The following SAMD3 variants were observed in gnomAD, a reference collection of about 807,000 sequenced individuals.
The protein encoded by SAMD3 is sterile alpha motif domain containing 3.
In SAMD3, 63 loss-of-function variants were observed where a neutral mutation model predicts 58.5. The ratio of observed to expected loss-of-function variants is 1.08; its 90% CI spans 0.88 to 1.33. The LOEUF (loss-of-function observed/expected upper bound fraction) is 1.33. SAMD3 is among the 40% of genes most tolerant of loss of function. The pLI, the probability that SAMD3 is intolerant of heterozygous loss-of-function variation, is 0.00. For missense variants in SAMD3, 604 were observed against 608.4 expected, an observed-to-expected ratio of 0.99 and a Z score of 0.08; for synonymous variants, 220 against 210.3, an observed-to-expected ratio of 1.05 and a Z score of -0.40.
At chr6:130,354,025 A>G (rs899183052) in intron 1 of SAMD3, among the ~76,000 whole-genome samples, 1 of 152,130 alleles carries the variant, frequency 6.6e-6, no homozygotes, top group Admixed American at 6.6e-5. Context: ...CATGAACAGA[A>G]ACTTTTCAAA....
intron 2 of SAMD3, among the ~76,000 whole-genome samples, chr6:130,275,932 A>G (rs1024344319): frequency 6.6e-5 from 10 of 152,158 alleles, no homozygotes; most frequent in East Asian, 1.9e-4. Flanking sequence ...TCACATTCTA[A>G]TACCTAGAAT....
At chr6:130,315,097 G>A (rs975383156) in intron 1 of SAMD3, among the ~76,000 whole-genome samples, 3 of 148,588 alleles carry the variant, frequency 2.0e-5, no homozygotes, top group African/African-American at 7.6e-5. Context: ...ATAATATGGT[G>A]TTCTTGTCCT....
chr6:130,308,323 A>T (rs1775976512), intron 2 of SAMD3, among the ~76,000 whole-genome samples: 1 of 142,528 alleles, frequency 7.0e-6, no homozygotes, highest in African/African-American at 2.8e-5. Context: ...TTGTATCTCA[A>T]CCTCCTCAAT....
intron 2 of SAMD3, among the ~76,000 whole-genome samples, chr6:130,302,724 G>T (rs1039928101): frequency 6.6e-6 from 1 of 152,112 alleles, no homozygotes; most frequent in Non-Finnish European, 1.5e-5. Context: ...TGGTACATAT[G>T]CACCATGGAA....
intron 2 of SAMD3, among the ~76,000 whole-genome samples, chr6:130,258,326 C>G (rs1162103677): frequency 6.6e-6 from 1 of 152,088 alleles, no homozygotes; most frequent in Non-Finnish European, 1.5e-5. Context: ...GCTTTTTTAT[C>G]CAGCCTGAGA....
chr6:130,155,073 A>G (rs921598546), intron 8 of SAMD3, 48 bp from the exon 9 acceptor site: 1 of 1,526,798 alleles, frequency 6.5e-7, no homozygotes, highest in East Asian at 2.3e-5. Context: ...TTCTATAAAA[A>G]CTTGAATTTC....
At chr6:130,178,666 C>A (rs1271829885) in intron 7 of SAMD3, among the ~76,000 whole-genome samples, 1 of 152,214 alleles carries the variant, frequency 6.6e-6, no homozygotes, top group Non-Finnish European at 1.5e-5. Context: ...GAATACATAT[C>A]AGCCAAGTAA....
chr6:130,360,706 T>G, intron 1 of SAMD3, among the ~76,000 whole-genome samples: 1 of 152,172 alleles, frequency 6.6e-6, no homozygotes, highest in East Asian at 1.9e-4. Flanking sequence ...CCAAAATTTA[T>G]TAGGCGTGAA....
intron 2 of SAMD3, among the ~76,000 whole-genome samples, chr6:130,275,925 C>T (rs1179827934): frequency 6.6e-6 from 1 of 152,116 alleles, no homozygotes; most frequent in Non-Finnish European, 1.5e-5. Flanking sequence ...AGGATGTTCA[C>T]ATTCTAATAC....
intron 1 of SAMD3, among the ~76,000 whole-genome samples, chr6:130,348,251 T>C (rs562243988): frequency 3.3e-5 from 5 of 152,222 alleles, no homozygotes; most frequent in Admixed American, 6.5e-5. Context: ...TGTAAATGGA[T>C]TAAATGCTCC....
chr6:130,260,462 A>G (rs1034590314), intron 2 of SAMD3, among the ~76,000 whole-genome samples: 2 of 152,162 alleles, frequency 1.3e-5, no homozygotes, highest in African/African-American at 2.4e-5. Flanking sequence ...ACCCCCATAG[A>G]GTTGTGAGCC....
At chr6:130,171,001 G>A (rs142551249) in intron 8 of SAMD3, among the ~76,000 whole-genome samples, 1 of 152,282 alleles carries the variant, frequency 6.6e-6, no homozygotes, top group Non-Finnish European at 1.5e-5. Context: ...GGTGAGAGAG[G>A]GCATCCTTGT....
intron 5 of SAMD3, among the ~76,000 whole-genome samples, chr6:130,194,849 G>A (rs1013130834): frequency 8.5e-5 from 13 of 152,148 alleles, no homozygotes; most frequent in South Asian, 4.1e-4. Flanking sequence ...AAGCCTACAG[G>A]ACCATCACAG....
intron 2 of SAMD3, among the ~76,000 whole-genome samples, chr6:130,241,925 C>T (rs1020810212): frequency 6.6e-6 from 1 of 151,902 alleles, no homozygotes; most frequent in Admixed American, 6.6e-5. Flanking sequence ...AATGAATTTT[C>T]ATTGTCTTTT....
chr6:130,144,753 C>T lies in SAMD3; in HGVS notation c.1330G>A (p.Val444Ile). The T allele has an allele frequency of 6.2e-7, 1 of 1,614,032 alleles. No homozygotes were observed. Residue 444 changes from valine (V) to isoleucine (I), a missense_variant, in exon 12 of 12, where the codon GTC becomes ATC. Transcript: ENST00000439090. The part of the protein sequence containing the change: ...LEVKNPFNME[V>I]CEFSLYLERE... ...TCTAAATATAAAGAAAATTCGCAGA[C>T]CTCCATGTTGAAAGGGTTTTTAACT...
intron 1 of SAMD3, among the ~76,000 whole-genome samples, chr6:130,353,595 T>G (rs1187482647): frequency 6.6e-6 from 1 of 152,218 alleles, no homozygotes; most frequent in African/African-American, 2.4e-5. Context: ...TTAATCCAGA[T>G]TTTGTAACCC....
chr6:130,357,217 C>T (rs10046393), intron 1 of SAMD3, among the ~76,000 whole-genome samples: 37,722 of 149,836 alleles, frequency 0.25, 5,988 homozygotes, highest in African/African-American at 0.45. Context: ...CTCCGCCTCC[C>T]GGGTTCACGC....
chr6:130,231,005 G>T (rs1796529398), intron 2 of SAMD3, among the ~76,000 whole-genome samples: 1 of 151,998 alleles, frequency 6.6e-6, no homozygotes, highest in African/African-American at 2.4e-5. Context: ...TGCTATTAAT[G>T]ACTTAAATAA....
intron 7 of SAMD3, among the ~76,000 whole-genome samples, chr6:130,181,935 G>T (rs1234536693): frequency 6.6e-6 from 1 of 151,982 alleles, no homozygotes; most frequent in Non-Finnish European, 1.5e-5. Flanking sequence ...CGTGGTGGGG[G>T]GCACCTGTAG....
Sources: allele counts gnomAD v4.1 joint callset (sites outside exome capture counted in the v4.1 genomes callset), GRCh38; gene constraint gnomAD v4.1.1; transcripts MANE v1.5; gene names NCBI Gene and HGNC (gene_info 2026-07-23, HGNC 2026-07-21).